Variants in TSPAN5 observed in about 807,000 individuals in gnomAD.
The protein encoded by TSPAN5 is tetraspanin-5.
Under a neutral mutation model 37.1 loss-of-function variants are expected in TSPAN5, and 10 were observed. That is an observed-to-expected ratio of 0.27 (90% CI 0.17 to 0.46). The LOEUF (loss-of-function observed/expected upper bound fraction) is 0.46. TSPAN5 is among the 20% of genes least tolerant of loss of function. TSPAN5 has a pLI of 1.00. For missense variants in TSPAN5, 195 were observed against 326.6 expected, an observed-to-expected ratio of 0.60 and a Z score of 3.11; for synonymous variants, 110 against 118.9, an observed-to-expected ratio of 0.93 and a Z score of 0.48.
intron 1 of TSPAN5, among the ~76,000 whole-genome samples, chr4:98,630,891 G>A (rs1050234425): frequency 2.0e-5 from 3 of 152,170 alleles, no homozygotes; most frequent in Non-Finnish European, 2.9e-5. Flanking sequence ...AGTTCACTGG[G>A]AAGTACAAAC....
At chr4:98,625,883 G>A (rs1756588933) in intron 1 of TSPAN5, among the ~76,000 whole-genome samples, 1 of 151,998 alleles carries the variant, frequency 6.6e-6, no homozygotes, top group African/African-American at 2.4e-5. Flanking sequence ...TTCTGTGCCA[G>A]GTAAGTTTTA....
At chr4:98,573,781 A>T (rs541595195) in intron 1 of TSPAN5, among the ~76,000 whole-genome samples, 4 of 152,364 alleles carry the variant, frequency 2.6e-5, no homozygotes, top group African/African-American at 9.6e-5. Flanking sequence ...TTCATTTTTT[A>T]AACAAAATAT....
intron 2 of TSPAN5, among the ~76,000 whole-genome samples, chr4:98,490,951 A>G (rs898508094): frequency 6.6e-6 from 1 of 151,936 alleles, no homozygotes; most frequent in African/African-American, 2.4e-5. Flanking sequence ...AGTTCCAGCA[A>G]CTCGGGAGGC....
chr4:98,536,310 T>C (rs957389133), intron 1 of TSPAN5, among the ~76,000 whole-genome samples: 1 of 152,204 alleles, frequency 6.6e-6, no homozygotes, highest in Non-Finnish European at 1.5e-5. Context: ...AGATCCACTC[T>C]CAGCCCTGTT....
intron 1 of TSPAN5, among the ~76,000 whole-genome samples, chr4:98,538,299 G>C (rs1478846049): frequency 2.0e-5 from 3 of 152,218 alleles, no homozygotes; most frequent in Non-Finnish European, 4.4e-5. Flanking sequence ...CTCACTCTTG[G>C]CCATCAGTAA....
rs559828249 is a variant in TSPAN5 at position 98,484,273 on chromosome 4, A to T, written c.280-2098T>A. ...TTCACCCTAGAGCCTCGGTCAACCA[A>T]GAAGGTCTATTTCCATTTTGCAGTA... On this transcript the variant is annotated intron_variant, in intron 3 of 7. Coordinates refer to ENST00000305798, the MANE Select transcript of TSPAN5 (RefSeq NM_005723.4). The T allele has an allele frequency of 3.0e-5, 11 of 366,718 alleles. No homozygotes were observed. The East Asian group carries it at 6.5e-4, about 22-fold the overall frequency. 22.7% of individuals were successfully genotyped at this position (366,718 alleles called of 1,614,324 possible). A position where few individuals can be genotyped will look rare whatever the true frequency, so the allele number is the denominator to read the frequency against.
intron 1 of TSPAN5, among the ~76,000 whole-genome samples, chr4:98,525,102 A>C (rs1297425761): frequency 6.6e-6 from 1 of 152,202 alleles, no homozygotes; most frequent in Non-Finnish European, 1.5e-5. Flanking sequence ...CCTAAATTAA[A>C]TCAGTTCCTT....
At chr4:98,555,969 ACGCGCG>A (rs1754733313) in intron 1 of TSPAN5, among the ~76,000 whole-genome samples, 2 of 145,572 alleles carry the variant, frequency 1.4e-5, no homozygotes, top group Non-Finnish European at 3.0e-5. Flanking sequence ...CACTCCACAC[ACGCGCG>A]CGCACACACA....
At chr4:98,499,380 A>G (rs1426266446) in intron 2 of TSPAN5, among the ~76,000 whole-genome samples, 3 of 152,206 alleles carry the variant, frequency 2.0e-5, no homozygotes, top group Non-Finnish European at 2.9e-5. Flanking sequence ...TTGCAGTTTT[A>G]TTATCCAGCC....
chr4:98,581,662 C>T (rs569266384), intron 1 of TSPAN5, among the ~76,000 whole-genome samples: 1 of 152,178 alleles, frequency 6.6e-6, no homozygotes, highest in African/African-American at 2.4e-5. Flanking sequence ...GTGATTGCAC[C>T]ATTAGTACAC....
At position 98,615,471 on chromosome 4, in the gene TSPAN5, T is replaced by C. The variant is rs559743726; in HGVS notation, c.81+42675A>G. Among the ~76,000 whole-genome samples, 5 of 152,328 alleles carry C rather than the reference T, an allele frequency of 3.3e-5. No individual in the cohort carries two copies. The South Asian group carries it at 1.0e-3, about 32-fold the overall frequency. ...CTATCATTATTTCTAGATTCTCAAATGCAGAGATTTCCGAACAATGCTTTT... is the reference window on the plus strand; with the variant it reads ...CTATCATTATTTCTAGATTCTCAAACGCAGAGATTTCCGAACAATGCTTTT... On this transcript the variant is annotated intron_variant, in intron 1 of 7. Coordinates refer to ENST00000305798, the MANE Select transcript of TSPAN5 (RefSeq NM_005723.4).
intron 1 of TSPAN5, among the ~76,000 whole-genome samples, chr4:98,544,185 G>A (rs184487609): frequency 6.6e-5 from 10 of 151,240 alleles, no homozygotes; most frequent in African/African-American, 2.5e-4. Context: ...GTCTCTGAAT[G>A]AATGAATGAA....
chr4:98,588,276 C>T (rs532782321), intron 1 of TSPAN5, among the ~76,000 whole-genome samples: 2 of 152,058 alleles, frequency 1.3e-5, no homozygotes, highest in Admixed American at 6.5e-5. Flanking sequence ...CCAAGTGTGC[C>T]GATGTCACAT....
At chr4:98,529,091 C>T (rs936673511) in intron 1 of TSPAN5, among the ~76,000 whole-genome samples, 4 of 152,098 alleles carry the variant, frequency 2.6e-5, no homozygotes, top group Non-Finnish European at 4.4e-5. Flanking sequence ...TCTTGACCAC[C>T]GTAAATCCCT....
chr4:98,604,292 G>C (rs1242355120), intron 1 of TSPAN5, among the ~76,000 whole-genome samples: 1 of 152,082 alleles, frequency 6.6e-6, no homozygotes, highest in African/African-American at 2.4e-5. Flanking sequence ...CCTAAAAAAG[G>C]GGTGGTTATT....
chr4:98,498,641 C>T (rs1344073161), intron 2 of TSPAN5, among the ~76,000 whole-genome samples: 2 of 152,134 alleles, frequency 1.3e-5, no homozygotes, highest in Non-Finnish European at 1.5e-5. Flanking sequence ...GCTGTGACAC[C>T]ACTGCCCAGG....
chr4:98,501,040 C>T (rs1753335123), intron 2 of TSPAN5, among the ~76,000 whole-genome samples: 1 of 152,178 alleles, frequency 6.6e-6, no homozygotes, highest in African/African-American at 2.4e-5. Flanking sequence ...ATCACTCTCC[C>T]TCTTGCTCCC....
chr4:98,555,737 G>T (rs1047433119), intron 1 of TSPAN5, among the ~76,000 whole-genome samples: 4 of 152,112 alleles, frequency 2.6e-5, no homozygotes, highest in Non-Finnish European at 5.9e-5. Context: ...TTAAAAATTA[G>T]CTTGAATACA....
At chr4:98,516,811 A>G (rs1172445369) in intron 1 of TSPAN5, among the ~76,000 whole-genome samples, 5 of 152,158 alleles carry the variant, frequency 3.3e-5, no homozygotes, top group Non-Finnish European at 5.9e-5. Flanking sequence ...ATTATTTCCC[A>G]CAAGAGTTGG....
Sources: gnomAD v4.1 joint callset for allele counts (sites outside exome capture counted in the v4.1 genomes callset) on GRCh38, gnomAD v4.1.1 for gene constraint, MANE v1.5 for transcripts, NCBI Gene and HGNC (gene_info 2026-07-23, HGNC 2026-07-21) for gene names.